FGF13: variants seen among roughly 807,000 people sequenced by gnomAD.
FGF13 encodes the protein fibroblast growth factor homologous factor 2.
A neutral mutation model predicts 19.5 loss-of-function variants in FGF13; 2 were observed. The ratio of observed to expected loss-of-function variants is 0.10; its 90% CI spans 0.04 to 0.32. The LOEUF is 0.32. Among genes scored for constraint, FGF13 ranks in the 10% least tolerant of loss-of-function variants. The pLI, the probability that FGF13 is intolerant of heterozygous loss-of-function variation, is 1.00. For synonymous variants in FGF13, 72 were observed against 76.9 expected (o/e 0.94, Z 0.33); for missense variants, 113 against 192.7 (o/e 0.59, Z 2.45).
chrX:138,896,409 T>C (rs2091504483), intron 1 of FGF13, among the ~76,000 whole-genome samples: 1 of 111,734 alleles, frequency 8.9e-6, no homozygotes, highest in African/African-American at 3.3e-5. Flanking sequence ...TAAATCATTT[T>C]CACCTATACT....
At chrX:138,821,499 C>T (rs1002881895) in intron 3 of FGF13, among the ~76,000 whole-genome samples, 5 of 111,532 alleles carry the variant, frequency 4.5e-5, no homozygotes, top group Non-Finnish European at 9.4e-5. Flanking sequence ...TTAGTATCTG[C>T]ATTGAGATGT....
At chrX:138,686,973 C>T (rs1245845069) in intron 3 of FGF13, among the ~76,000 whole-genome samples, 2 of 111,806 alleles carry the variant, frequency 1.8e-5, no homozygotes, top group African/African-American at 6.5e-5. Context: ...AGTACAATAA[C>T]CTACCACATT....
At position 139,028,672 on chromosome X, in the gene FGF13, AGT is replaced by A. The variant is rs2092213123; in HGVS notation, c.-112-164024_-112-164023del. On this transcript the variant is annotated intron_variant, in intron 1 of 2. Transcript: ENST00000421460. ...GTGTGAGAGAGAGAGAGAAAGAGAG[AGT>A]GTGTGTGAAAGACAGTGTGTGTGTG... is the stretch of plus-strand genomic sequence containing the variant. 7.4e-5 allele frequency among the ~76,000 whole-genome samples: 4 copies of A among 54,220 alleles called. 1 individual carries two copies. The highest frequency in any genetic ancestry group is 1.3e-4 in the African/African-American group (2 of 15,252). 47.1% of individuals were successfully genotyped at this position (54,220 alleles called of 115,157 possible). A position where few individuals can be genotyped will look rare whatever the true frequency, so the allele number is the denominator to read the frequency against.
In FGF13 at chrX:138,761,570, T is replaced by A. The variant is rs759432821; in HGVS notation, c.218-52642A>T. Among the ~76,000 whole-genome samples the A allele has an allele frequency of 9.0e-5, 10 of 111,568 alleles. 1 individual carries two copies. Among genetic ancestry groups the A allele is most frequent in the Middle Eastern group, 9.2e-3 (2 of 217 alleles). The stretch of plus-strand genomic sequence containing the variant: ...AGCAAATCAATACTGCACTTCCTCA[T>A]GATGTCTGCCCCATTGGACTTGAAA... On this transcript the variant is annotated intron_variant, in intron 3 of 6. Transcript: ENST00000436198.
intron 1 of FGF13, among the ~76,000 whole-genome samples, chrX:138,985,513 AC>A (rs2091991576): frequency 8.9e-6 from 1 of 111,821 alleles, no homozygotes; most frequent in Non-Finnish European, 1.9e-5. Flanking sequence ...TAATCTAAAT[AC>A]CCTACCAACC....
At chrX:139,203,474 A>C (rs2084433952) in exon 1 of FGF13, 1 of 89,185 alleles carries the variant, frequency 1.1e-5, no homozygotes, top group East Asian at 4.7e-4. Context: ...GTTGGGGTGG[A>C]TAAGGAGTTT....
upstream of FGF13, chrX:138,712,205 C>T (rs2090061278): frequency 8.9e-6 from 1 of 111,834 alleles, no homozygotes; most frequent in African/African-American, 3.3e-5. Context: ...CAGACGGGTT[C>T]AGCCCCAGCG....
intron 1 of FGF13, among the ~76,000 whole-genome samples, chrX:139,138,612 C>T (rs183077320): frequency 9.0e-6 from 1 of 111,468 alleles, no homozygotes; most frequent in Admixed American, 9.5e-5. Flanking sequence ...TACAGACACA[C>T]AGTACAGGGG....
At chrX:138,984,592 A>AAGAAGAAGAAGAAGAG (rs1569436193) in intron 1 of FGF13, among the ~76,000 whole-genome samples, 1 of 29,757 alleles carries the variant, frequency 3.4e-5, no homozygotes, top group African/African-American at 1.2e-4. Context: ...AAGAAGAAGG[A>AAGAAGAAGAAGAAGAG]GGAGGAGGAG....
intron 3 of FGF13, among the ~76,000 whole-genome samples, chrX:138,682,202 A>G (rs1031076123): frequency 2.2e-4 from 25 of 112,128 alleles, no homozygotes; most frequent in African/African-American, 7.1e-4. Context: ...CTATATCTCT[A>G]TTTTCTAACT....
chrX:138,981,352 CACACAT>C (rs2091963219), intron 1 of FGF13, among the ~76,000 whole-genome samples: 1 of 77,894 alleles, frequency 1.3e-5, no homozygotes, highest in African/African-American at 4.1e-5. Context: ...CACACACACA[CACACAT>C]GCGAACACAA....
intron 1 of FGF13, among the ~76,000 whole-genome samples, chrX:139,063,157 C>T (rs1394626055): frequency 9.0e-6 from 1 of 111,603 alleles, no homozygotes; most frequent in African/African-American, 3.3e-5. Flanking sequence ...AGATGAGAGA[C>T]AGCAGTGCAT....
intron 1 of FGF13, among the ~76,000 whole-genome samples, chrX:139,092,890 T>A (rs917221742): frequency 1.8e-5 from 2 of 111,960 alleles, no homozygotes; most frequent in Admixed American, 1.9e-4. Context: ...TCCACTAAGA[T>A]AAGTTACTGA....
At chrX:139,169,589 G>A (rs2084113479) in intron 1 of FGF13, among the ~76,000 whole-genome samples, 1 of 110,923 alleles carries the variant, frequency 9.0e-6, no homozygotes, top group Non-Finnish European at 1.9e-5. Context: ...CTCCCAAAGA[G>A]CTAGGATTAC....
chrX:138,936,776 T>C (rs1192113971), intron 1 of FGF13, among the ~76,000 whole-genome samples: 1 of 112,244 alleles, frequency 8.9e-6, no homozygotes, highest in East Asian at 2.8e-4. Context: ...TTACATATTG[T>C]GGTCTCCAGG....
chrX:139,012,933 T>C (rs1022171910), intron 1 of FGF13, among the ~76,000 whole-genome samples: 6 of 111,609 alleles, frequency 5.4e-5, no homozygotes, highest in African/African-American at 2.0e-4. Context: ...GGAGAAAATC[T>C]TCACAATTTA....
intron 1 of FGF13, among the ~76,000 whole-genome samples, chrX:139,014,892 G>T (rs1363367550): frequency 9.0e-6 from 1 of 111,122 alleles, no homozygotes; most frequent in Non-Finnish European, 1.9e-5. Flanking sequence ...ATTTATCTCA[G>T]GCATGCAAGG....
chrX:138,713,824 G>C (rs947681058), upstream of FGF13, among the ~76,000 whole-genome samples: 1 of 111,367 alleles, frequency 9.0e-6, no homozygotes, highest in South Asian at 3.9e-4. Flanking sequence ...AAGAATGGCG[G>C]GGGCATTTAT....
intron 3 of FGF13, among the ~76,000 whole-genome samples, chrX:138,762,152 C>A (rs182661346): frequency 0.016 from 1,766 of 110,439 alleles, 26 homozygotes; most frequent in African/African-American, 0.055. Flanking sequence ...ATCTTATTGG[C>A]TAATGTAGCT....
Sources: gnomAD v4.1 joint callset for allele counts (sites outside exome capture counted in the v4.1 genomes callset) on GRCh38, gnomAD v4.1.1 for gene constraint, MANE v1.5 for transcripts, NCBI Gene and HGNC (gene_info 2026-07-23, HGNC 2026-07-21) for gene names.